UNC80: variants seen among roughly 807,000 people sequenced by gnomAD.
The protein encoded by UNC80 is protein unc-80 homolog.
A neutral mutation model predicts 384.6 loss-of-function variants in UNC80; 164 were observed. That is an observed-to-expected ratio of 0.43 (90% CI 0.38 to 0.49). The LOEUF is 0.49. Among genes scored for constraint, UNC80 ranks in the 20% least tolerant of loss-of-function variants. The pLI, the probability that UNC80 is intolerant of heterozygous loss-of-function variation, is 0.00. For missense variants in UNC80, 3,330 were observed against 4,143.0 expected (o/e 0.80, Z 5.39); for synonymous variants, 1,486 against 1,527.8 (o/e 0.97, Z 0.64).
chr2:209,823,702 T>G lies in UNC80; in HGVS notation c.2332-2205T>G, dbSNP rs2080302059. Among the ~76,000 whole-genome samples, 3 of 151,936 alleles carry G rather than the reference T, an allele frequency of 2.0e-5. No homozygotes were observed. In the South Asian group the frequency reaches 6.2e-4, roughly 31 times the overall value. On this transcript the variant is annotated intron_variant, in intron 13 of 64. Coordinates refer to ENST00000673920, the MANE Select transcript of UNC80 (RefSeq NM_001371986.1). ...TTTTGCTATTATTAATAATAATAAT[T>G]AGTTTTTCTATTATTATATGCCTTT...
chr2:209,806,692 T>TA (rs1165312282), intron 7 of UNC80, among the ~76,000 whole-genome samples: 30 of 152,256 alleles, frequency 2.0e-4, no homozygotes, highest in Admixed American at 2.0e-3. Context: ...AAAAGCTGTC[T>TA]GCATGTATCA....
chr2:209,846,909 G>A (rs930190445), intron 21 of UNC80, among the ~76,000 whole-genome samples: 15 of 151,978 alleles, frequency 9.9e-5, no homozygotes, highest in African/African-American at 3.6e-4. Context: ...AAATACAGGA[G>A]AAAACCCAAG....
chr2:209,849,593 T>C lies in UNC80; in HGVS notation c.3597T>C (p.Asp1199=). 2.6e-6 allele frequency: 4 copies of C among 1,550,886 alleles called. No homozygotes were observed. The highest frequency in any genetic ancestry group is 3.5e-6 in the Non-Finnish European group (4 of 1,146,490). Residue 1199 remains aspartate, a synonymous_variant, in exon 22 of 65, where the codon GAT becomes GAC. Coordinates refer to ENST00000673920, the MANE Select transcript of UNC80 (RefSeq NM_001371986.1). ...GCTGTGAGCCAGGGACAATTCCTGA[T>C]GCCTCCATCCTAGCAGCTGCCTTGG... is the stretch of plus-strand genomic sequence containing the variant. ...LNCCEPGTIP[D]ASILAAALDL...
rs544873176 is a variant in UNC80, at chr2:209,989,261, G to A, written c.9315-2905G>A. On this transcript the variant is annotated intron_variant, in intron 61 of 64. Coordinates refer to ENST00000673920, the MANE Select transcript of UNC80 (RefSeq NM_001371986.1). ...AATTGCTTGAACGCAGGAGGTGGAGGATTCAGTGAGCCAAGATAGTGCCAC... is the reference window on the plus strand; with the variant it reads ...AATTGCTTGAACGCAGGAGGTGGAGAATTCAGTGAGCCAAGATAGTGCCAC... 6.7e-4 allele frequency among the ~76,000 whole-genome samples: 101 copies of A among 151,530 alleles called. 1 individual carries two copies. The South Asian group carries it at 0.02, about 29-fold the overall frequency.
chr2:209,859,858 TC>T, intron 22 of UNC80, among the ~76,000 whole-genome samples: 1 of 152,290 alleles, frequency 6.6e-6, no homozygotes, highest in African/African-American at 2.4e-5. Context: ...TATCCTTTTC[TC>T]ACTTTTTGAT....
Position 209,978,663 on chromosome 2 carries a change from G to T in UNC80, c.9073G>T (p.Ala3025Ser). The T allele has an allele frequency of 6.5e-7, 1 of 1,549,642 alleles. No homozygotes were observed. Among genetic ancestry groups the T allele is most frequent in the Non-Finnish European group, 8.7e-7 (1 of 1,145,362 alleles). The part of the protein sequence containing the change: ...WEQDSEPSQQ[A>S]SQDTLSRTDE... ...GCAGGACAGTGAGCCATCCCAGCAG[G>T]CTTCGCAGGACACCCTGAGTCGGAC... The change falls in exon 59 of 65, where the codon GCT becomes TCT. Residue 3025 changes from alanine (A) to serine (S), a missense_variant. Coordinates refer to ENST00000673920, the MANE Select transcript of UNC80 (RefSeq NM_001371986.1).
chr2:209,939,241 G>A (rs946576666), intron 42 of UNC80, among the ~76,000 whole-genome samples: 1 of 152,092 alleles, frequency 6.6e-6, no homozygotes, highest in Non-Finnish European at 1.5e-5. Flanking sequence ...AACTCCATAA[G>A]GAACATTTCC....
chr2:209,849,757 G>GGT lies in UNC80; in HGVS notation c.3627+135_3627+136insTG, dbSNP rs1559195919. 5 of 966,886 alleles carry GGT rather than the reference G, an allele frequency of 5.2e-6. No individual in the cohort carries two copies. In the African/African-American group the frequency reaches 6.6e-5, roughly 13 times the overall value. The allele number at this position is 966,886 out of a possible 1,614,324, so 59.9% of individuals were successfully genotyped here. A position where few individuals can be genotyped will look rare whatever the true frequency, so the allele number is the denominator to read the frequency against. On this transcript the variant is annotated intron_variant, in intron 22 of 64. Coordinates refer to ENST00000673920, the MANE Select transcript of UNC80 (RefSeq NM_001371986.1). ...TTTTTCAGAATTAGTGATAAAAGGG[G>GGT]GAAGAAAGATGGTGAAAAAGGGAGA...
At chr2:209,903,336 G>GTA (rs1421514824) in intron 28 of UNC80, among the ~76,000 whole-genome samples, 1 of 133,926 alleles carries the variant, frequency 7.5e-6, no homozygotes, top group Non-Finnish European at 1.5e-5. Context: ...GTGTGTGTGT[G>GTA]TGTGTGTGTG....
In UNC80 at chr2:209,939,517, A is replaced by G; in HGVS notation, c.6511A>G (p.Ile2171Val). Residue 2171 changes from isoleucine (I) to valine (V), a missense_variant, in exon 43 of 65, where the codon ATC becomes GTC. Coordinates refer to ENST00000673920, the MANE Select transcript of UNC80 (RefSeq NM_001371986.1). ...AGAAGTAGGGCGGGTGTTGTTTCTC[A>G]TCTCCCTAACCCAGAAGATCCCCAC... ...LEEVGRVLFLISLTQKIPTAH... is the reference protein window; with the variant it reads ...LEEVGRVLFLVSLTQKIPTAH... 1 of 1,551,170 alleles carries G rather than the reference A, an allele frequency of 6.4e-7. No homozygotes were observed. The highest frequency in any genetic ancestry group is 8.7e-7 in the Non-Finnish European group (1 of 1,146,738).
chr2:209,859,105 T>C (rs1363845443), intron 22 of UNC80, among the ~76,000 whole-genome samples: 1 of 152,208 alleles, frequency 6.6e-6, no homozygotes, highest in African/African-American at 2.4e-5. Context: ...ATGTGCAGAA[T>C]GTACAGATGT....
chr2:209,963,601 A>G (rs1269304294), intron 51 of UNC80, among the ~76,000 whole-genome samples: 1 of 152,220 alleles, frequency 6.6e-6, no homozygotes, highest in Non-Finnish European at 1.5e-5. Flanking sequence ...GTGCATATAG[A>G]TATACTCTTA....
At chr2:209,972,055 C>A (rs2092901587) in intron 54 of UNC80, 146 bp from the exon 55 acceptor site, 1 of 915,248 alleles carries the variant, frequency 1.1e-6, no homozygotes, top group Non-Finnish European at 1.5e-6. Flanking sequence ...TTGAGTGAAG[C>A]TTGTATGCTG....
chr2:209,855,983 G>C (rs529763008), intron 22 of UNC80, among the ~76,000 whole-genome samples: 73 of 151,942 alleles, frequency 4.8e-4, no homozygotes, highest in African/African-American at 1.7e-3. Flanking sequence ...TTCATATATA[G>C]TTTCCTAAAT....
In UNC80 at chr2:209,935,943, G is replaced by A. The variant is rs945765400; in HGVS notation, c.6273+135G>A. On this transcript the variant is annotated intron_variant, in intron 40 of 64. Coordinates refer to ENST00000673920, the MANE Select transcript of UNC80 (RefSeq NM_001371986.1). ...GCATTTCTTTACTCTTCTAAAATCT[G>A]CCCCACTATTATTTCCTTATGCTAT... The A allele has an allele frequency of 6.9e-5, 39 of 566,738 alleles. 1 individual carries two copies. Among genetic ancestry groups the A allele is most frequent in the African/African-American group, 6.2e-4 (31 of 49,726 alleles). The allele number at this position is 566,738 out of a possible 1,614,324, so 35.1% of individuals were successfully genotyped here. A position where few individuals can be genotyped will look rare whatever the true frequency, so the allele number is the denominator to read the frequency against.
intron 22 of UNC80, among the ~76,000 whole-genome samples, chr2:209,869,503 C>T (rs2084115259): frequency 1.3e-5 from 2 of 152,086 alleles, no homozygotes; most frequent in Non-Finnish European, 2.9e-5. Context: ...ACCTTAGCAT[C>T]ACCCTCAATT....
chr2:209,894,805 T>C (rs942837499), intron 27 of UNC80, among the ~76,000 whole-genome samples: 3 of 152,240 alleles, frequency 2.0e-5, no homozygotes, highest in African/African-American at 4.8e-5. Context: ...ATGTCAAATG[T>C]AATTCCCTTG....
At chr2:209,790,270 C>T (rs1260318428) in intron 6 of UNC80, among the ~76,000 whole-genome samples, 1 of 152,128 alleles carries the variant, frequency 6.6e-6, no homozygotes, top group African/African-American at 2.4e-5. Flanking sequence ...CTTTCACTTT[C>T]AATTCAACAC....
At chr2:209,815,182 A>G in intron 8 of UNC80, 75 bp from the exon 9 acceptor site, 3 of 1,446,682 alleles carry the variant, frequency 2.1e-6, no homozygotes, top group Non-Finnish European at 2.8e-6. Flanking sequence ...TCCCTATTAA[A>G]AATGTGACAT....
Sources: gnomAD v4.1 joint callset for allele counts (sites outside exome capture counted in the v4.1 genomes callset) on GRCh38, gnomAD v4.1.1 for gene constraint, MANE v1.5 for transcripts, NCBI Gene and HGNC (gene_info 2026-07-23, HGNC 2026-07-21) for gene names.